The following FOXP1 variants were observed in gnomAD, a reference collection of about 807,000 sequenced individuals.
FOXP1 encodes the protein forkhead box protein P1.
A neutral mutation model predicts 98.2 loss-of-function variants in FOXP1; 15 were observed. The observed-to-expected ratio is 0.15, with a 90% CI of 0.10 to 0.24. The LOEUF is 0.24. Ranked by LOEUF, FOXP1 falls within the 10% of genes least tolerant of loss-of-function variation. The pLI, the probability that FOXP1 is intolerant of heterozygous loss-of-function variation, is 1.00. For synonymous variants in FOXP1, 371 were observed against 314.5 expected (o/e 1.18, Z -1.90); for missense variants, 633 against 848.5 (o/e 0.75, Z 3.15).
intron 2 of FOXP1, among the ~76,000 whole-genome samples, chr3:71,538,036 C>T (rs2044449425): frequency 6.6e-6 from 1 of 152,208 alleles, no homozygotes; most frequent in Non-Finnish European, 1.5e-5. Context: ...GTATGGCCTG[C>T]AAAGCCTAAT....
intron 5 of FOXP1, among the ~76,000 whole-genome samples, chr3:71,212,058 A>T (rs1025444473): frequency 6.6e-6 from 1 of 152,186 alleles, no homozygotes; most frequent in Admixed American, 6.5e-5. Context: ...GAGTGGAACC[A>T]TGTTCTTTCT....
rs56220488 is a variant in FOXP1, at chr3:71,397,019, T to C, written c.-167-37775A>G. 2.2e-3 allele frequency among the ~76,000 whole-genome samples: 127 copies of C among 57,226 alleles called. 18 individuals carry two copies. Among genetic ancestry groups the C allele is most frequent in the Non-Finnish European group, 4.1e-3 (104 of 25,214 alleles). 37.5% of individuals were successfully genotyped at this position (57,226 alleles called of 152,430 possible). ...ACACATATATATGTGTATATATATA[T>C]ATATACATATATATGTGTATATATA... On this transcript the variant is annotated intron_variant, in intron 3 of 20. Transcript: ENST00000649528.
chr3:71,229,431 G>A (rs2066103463), intron 5 of FOXP1, among the ~76,000 whole-genome samples: 2 of 151,926 alleles, frequency 1.3e-5, no homozygotes, highest in African/African-American at 4.8e-5. Context: ...TCATAAACAG[G>A]AAAAAAAGGT....
intron 11 of FOXP1, among the ~76,000 whole-genome samples, chr3:71,031,894 C>G (rs954111067): frequency 6.6e-6 from 1 of 152,224 alleles, no homozygotes; most frequent in South Asian, 2.1e-4. Flanking sequence ...TTTTAACTGA[C>G]TTTCTATGAA....
rs575633352 is a variant in FOXP1, at chr3:71,512,644, G to A, written c.-297-19089C>T. Among the ~76,000 whole-genome samples the A allele has an allele frequency of 6.6e-4, 101 of 152,316 alleles. No individual in the cohort carries two copies. In the Middle Eastern group the frequency reaches 0.017, roughly 26 times the overall value. On this transcript the variant is annotated intron_variant, in intron 2 of 20. Coordinates refer to ENST00000649528, the MANE Select transcript of FOXP1 (RefSeq NM_001349338.3). ...ATAAAGGGATGAGAGAAGCAAAGGT[G>A]TTGGATTATTCATTTGTGAATGCCA... is the stretch of plus-strand genomic sequence containing the variant.
intron 3 of FOXP1, among the ~76,000 whole-genome samples, chr3:71,427,798 T>C (rs1252493442): frequency 6.6e-6 from 1 of 152,068 alleles, no homozygotes; most frequent in Non-Finnish European, 1.5e-5. Context: ...ACTGGACAGA[T>C]GAGGATGAAA....
intron 4 of FOXP1, chr3:71,305,998 C>G (rs1189337993): frequency 6.6e-6 from 1 of 152,608 alleles, no homozygotes; most frequent in Non-Finnish European, 1.5e-5. Context: ...GCTCTCAGGG[C>G]TCCCAGGCTG....
chr3:71,534,232 G>A (rs62244884), intron 2 of FOXP1, among the ~76,000 whole-genome samples: 48,278 of 152,062 alleles, frequency 0.32, 8,922 homozygotes, highest in Non-Finnish European at 0.43. Flanking sequence ...GTGTGGTGGC[G>A]TACGCCTGTA....
In FOXP1 at chr3:71,328,993, A is replaced by AC. The variant is rs1337755844; in HGVS notation, c.-72-29114_-72-29113insG. On this transcript the variant is annotated intron_variant, in intron 4 of 20. Coordinates refer to ENST00000649528, the MANE Select transcript of FOXP1 (RefSeq NM_001349338.3). ...TCTCGCTAAAAAAAAAAAAAAACAAAAAAAAAAAAACTGACAGTTTCAGAA... is the reference window on the plus strand; with the variant it reads ...TCTCGCTAAAAAAAAAAAAAAACAAACAAAAAAAAAACTGACAGTTTCAGAA... Among the ~76,000 whole-genome samples the AC allele has an allele frequency of 3.2e-3, 470 of 148,798 alleles. 6 individuals are homozygous for AC. Among genetic ancestry groups the AC allele is most frequent in the Non-Finnish European group, 3.9e-3 (260 of 67,226 alleles).
chr3:71,515,433 CAAAAAAAA>C (rs35322006), intron 2 of FOXP1, among the ~76,000 whole-genome samples: 2 of 96,974 alleles, frequency 2.1e-5, no homozygotes, highest in Admixed American at 2.3e-4. Context: ...ATTTACACAG[CAAAAAAAA>C]AAAAAAAAAA....
chr3:71,240,135 C>T (rs1159790262), intron 5 of FOXP1, among the ~76,000 whole-genome samples: 1 of 152,246 alleles, frequency 6.6e-6, no homozygotes, highest in Non-Finnish European at 1.5e-5. Flanking sequence ...AGGAAGTAGC[C>T]TGCAGCAGAG....
At chr3:70,973,237 C>CGCCCCT (rs1431061088) in intron 17 of FOXP1, among the ~76,000 whole-genome samples, 2 of 143,852 alleles carry the variant, frequency 1.4e-5, no homozygotes, top group African/African-American at 2.6e-5. Context: ...ACGGACCCCC[C>CGCCCCT]GCCCCCGCCC....
chr3:71,365,722 C>T lies in FOXP1; in HGVS notation c.-167-6478G>A, dbSNP rs141814778. 1.8e-3 allele frequency among the ~76,000 whole-genome samples: 272 copies of T among 152,330 alleles called. 1 individual carries two copies. The highest frequency in any genetic ancestry group is 3.5e-3 in the Non-Finnish European group (238 of 68,030). ...TGTTCCGGCTGGGTGCGGTGGCTCACGCCTATAATCCCAGCACTTTGGGAG... is the reference window on the plus strand; with the variant it reads ...TGTTCCGGCTGGGTGCGGTGGCTCATGCCTATAATCCCAGCACTTTGGGAG... On this transcript the variant is annotated intron_variant, in intron 3 of 20. Coordinates refer to ENST00000649528, the MANE Select transcript of FOXP1 (RefSeq NM_001349338.3).
chr3:71,028,084 CA>C (rs112922729), intron 11 of FOXP1, among the ~76,000 whole-genome samples: 6 of 151,908 alleles, frequency 3.9e-5, no homozygotes, highest in African/African-American at 1.5e-4. Flanking sequence ...AGCACACACA[CA>C]AAAAATCTAG....
At chr3:71,276,805 G>A (rs1376835888) in intron 5 of FOXP1, among the ~76,000 whole-genome samples, 1 of 151,990 alleles carries the variant, frequency 6.6e-6, no homozygotes, top group African/African-American at 2.4e-5. Flanking sequence ...ATGTATTGCT[G>A]TTAACTATAC....
intron 16 of FOXP1, 122 bp downstream of exon 16, chr3:70,977,521 C>G: frequency 1.3e-6 from 1 of 796,962 alleles, no homozygotes; most frequent in Non-Finnish European, 2.1e-6. Flanking sequence ...TTTTAAAAAA[C>G]CTTATAGAAA....
chr3:70,964,225 A>G (rs1051001588), intron 20 of FOXP1, among the ~76,000 whole-genome samples: 16 of 152,212 alleles, frequency 1.1e-4, no homozygotes, highest in African/African-American at 3.6e-4. Flanking sequence ...AAAATAGTTG[A>G]AACCTTCATT....
intron 2 of FOXP1, among the ~76,000 whole-genome samples, chr3:71,518,529 G>A (rs553470016): frequency 4.7e-4 from 71 of 152,230 alleles, no homozygotes; most frequent in African/African-American, 1.6e-3. Context: ...TGTTTCAATG[G>A]AGTGTTTGTG....
intron 2 of FOXP1, among the ~76,000 whole-genome samples, chr3:71,498,474 C>T (rs1264796238): frequency 1.3e-5 from 2 of 152,146 alleles, no homozygotes; most frequent in African/African-American, 4.8e-5. Context: ...CTGGAACTTG[C>T]CTGCACAGCT....
Sources: gnomAD v4.1 joint callset for allele counts (sites outside exome capture counted in the v4.1 genomes callset) on GRCh38, gnomAD v4.1.1 for gene constraint, MANE v1.5 for transcripts, NCBI Gene and HGNC (gene_info 2026-07-23, HGNC 2026-07-21) for gene names.